Variants in UTS2B observed in about 807,000 individuals in gnomAD.
The protein encoded by UTS2B is urotensin-2B.
Under a neutral mutation model 19.2 loss-of-function variants are expected in UTS2B, and 21 were observed. The ratio of observed to expected loss-of-function variants is 1.09; its 90% CI spans 0.78 to 1.58. UTS2B has a LOEUF of 1.58. Ranked by LOEUF, UTS2B falls within the 40% of genes most tolerant of loss-of-function variation. UTS2B has a pLI of 0.00. For synonymous variants in UTS2B, 57 were observed against 50.2 expected, an observed-to-expected ratio of 1.14 and a Z score of -0.58; for missense variants, 138 against 130.3, an observed-to-expected ratio of 1.06 and a Z score of -0.29.
rs1269165062 is a variant in UTS2B, at chr3:191,288,616, A to G, written c.-124-6303T>C. On this transcript the variant is annotated intron_variant, in intron 4 of 8. Coordinates refer to ENST00000340524, the MANE Select transcript of UTS2B (RefSeq NM_198152.5). ...CCCTTATTCCACGCTATATGCAAAAATCAACTCAAAGTAGATTAAAGACTT... is the reference window on the plus strand; with the variant it reads ...CCCTTATTCCACGCTATATGCAAAAGTCAACTCAAAGTAGATTAAAGACTT... 2.0e-5 allele frequency among the ~76,000 whole-genome samples: 3 copies of G among 152,206 alleles called. 1 individual carries two copies. The highest frequency in any genetic ancestry group is 4.1e-4 in the South Asian group (2 of 4,826).
rs879646329 is a variant in UTS2B at position 191,267,585 on chromosome 3, C to A, written c.*831G>T. 2 of 152,136 alleles carry A rather than the reference C, an allele frequency of 1.3e-5. No homozygotes were observed. Among genetic ancestry groups the A allele is most frequent in the Non-Finnish European group, 2.9e-5 (2 of 68,034 alleles). The allele number at this position is 152,136 out of a possible 1,614,324, so 9.4% of individuals were successfully genotyped here. ...GTGAAAGCTGGGTCCAGGGGGGTCA[C>A]CACCTTCTGGTCCCATGGTGCCAAC... On this transcript the variant is annotated 3_prime_UTR_variant, in exon 9 of 9. Coordinates refer to ENST00000340524, the MANE Select transcript of UTS2B (RefSeq NM_198152.5).
intron 3 of UTS2B, among the ~76,000 whole-genome samples, chr3:191,315,297 G>T (rs557831775): frequency 6.6e-6 from 1 of 152,202 alleles, no homozygotes; most frequent in Non-Finnish European, 1.5e-5. Flanking sequence ...ACAGGCATGA[G>T]CCACCACGCC....
At chr3:191,320,068 T>A (rs74432665) in intron 2 of UTS2B, among the ~76,000 whole-genome samples, 5,517 of 152,032 alleles carry the variant, frequency 0.036, 263 homozygotes, top group East Asian at 0.21. Context: ...TTAAATCACA[T>A]AGACAAAGTT....
chr3:191,295,719 T>C (rs1716840681), intron 4 of UTS2B, among the ~76,000 whole-genome samples: 1 of 151,974 alleles, frequency 6.6e-6, no homozygotes, highest in Non-Finnish European at 1.5e-5. Context: ...TTTTTCAGTA[T>C]TCACTGTCTT....
chr3:191,344,256 A>G, the UTS2B span, among the ~76,000 whole-genome samples: 3 of 152,198 alleles, frequency 2.0e-5, no homozygotes, highest in South Asian at 4.1e-4. Context: ...TAGTTCTGTC[A>G]TACCGTCACG....
the UTS2B span, among the ~76,000 whole-genome samples, chr3:191,344,570 CTTTTG>C: frequency 2.0e-5 from 3 of 151,648 alleles, no homozygotes; most frequent in Non-Finnish European, 4.4e-5. Context: ...ATGTCATTTC[CTTTTG>C]TTTGTTTGTT....
At position 191,311,845 on chromosome 3, in the gene UTS2B, A is replaced by T. The variant is rs1253037511; in HGVS notation, c.-182+4191T>A. Among the ~76,000 whole-genome samples, 7 of 152,288 alleles carry T rather than the reference A, an allele frequency of 4.6e-5. No homozygotes were observed. In the East Asian group the frequency reaches 1.3e-3, roughly 29 times the overall value. On this transcript the variant is annotated intron_variant, in intron 3 of 8. Transcript: ENST00000340524. ...GAAATTCCAGTTATGTGGCATGAAA[A>T]TTTTGACATCTTGGCCAAGTGCAGT...
At chr3:191,285,338 A>C (rs1716507008) in intron 4 of UTS2B, among the ~76,000 whole-genome samples, 1 of 152,218 alleles carries the variant, frequency 6.6e-6, no homozygotes, top group African/African-American at 2.4e-5. Flanking sequence ...CCTATGGTAG[A>C]TACCAAAAGA....
At chr3:191,313,002 A>G (rs1306538901) in intron 3 of UTS2B, among the ~76,000 whole-genome samples, 1 of 150,460 alleles carries the variant, frequency 6.6e-6, no homozygotes, top group African/African-American at 2.5e-5. Context: ...TTTAACATTA[A>G]TAACTGTCAA....
At position 191,282,348 on chromosome 3, in the gene UTS2B, C is replaced by A. The variant is rs1716414980; in HGVS notation, c.-124-35G>T. 1.0e-5 allele frequency: 6 copies of A among 573,092 alleles called. No individual in the cohort carries two copies. The Admixed American group carries it at 1.3e-4, about 12-fold the overall frequency. 35.5% of individuals were successfully genotyped at this position (573,092 alleles called of 1,614,324 possible). The stretch of plus-strand genomic sequence containing the variant: ...GGAAAAAGAAAGAAAGAAAATAAAT[C>A]TATAAAATGCAATGCAATCAAGTAG... On this transcript the variant is annotated intron_variant, in intron 4 of 8. Coordinates refer to ENST00000340524, the MANE Select transcript of UTS2B (RefSeq NM_198152.5).
intron 2 of UTS2B, among the ~76,000 whole-genome samples, chr3:191,323,322 C>G (rs1256488979): frequency 6.6e-6 from 1 of 151,990 alleles, no homozygotes; most frequent in African/African-American, 2.4e-5. Context: ...GGCATGGACA[C>G]CATGCCCAGC....
chr3:191,327,793 G>C (rs183232603), intron 2 of UTS2B, among the ~76,000 whole-genome samples: 1 of 152,218 alleles, frequency 6.6e-6, no homozygotes, highest in Admixed American at 6.5e-5. Context: ...AGAAAATACT[G>C]CTGTTATAAA....
At chr3:191,299,026 C>T (rs1178317550) in intron 4 of UTS2B, among the ~76,000 whole-genome samples, 1 of 152,168 alleles carries the variant, frequency 6.6e-6, no homozygotes, top group Admixed American at 6.5e-5. Context: ...AGCAGTAAAG[C>T]ATCCAAGATG....
chr3:191,309,679 C>T (rs946586231), intron 3 of UTS2B, among the ~76,000 whole-genome samples: 1 of 152,080 alleles, frequency 6.6e-6, no homozygotes, highest in Non-Finnish European at 1.5e-5. Flanking sequence ...ACCAACCCCT[C>T]GATGCTGTTT....
intron 4 of UTS2B, among the ~76,000 whole-genome samples, chr3:191,298,982 T>C (rs1464321803): frequency 6.6e-6 from 1 of 152,188 alleles, no homozygotes; most frequent in African/African-American, 2.4e-5. Flanking sequence ...TTGAAATTGA[T>C]AGTGATGATT....
intron 8 of UTS2B, among the ~76,000 whole-genome samples, chr3:191,270,545 G>A (rs944471825): frequency 6.6e-6 from 1 of 150,830 alleles, no homozygotes; most frequent in African/African-American, 2.4e-5. Context: ...AACAAAAAAG[G>A]TTTTTTTTTT....
chr3:191,275,298 C>T lies in UTS2B; in HGVS notation c.288G>A (p.Thr96=), dbSNP rs199606214. Residue 96 remains threonine, a synonymous_variant, in exon 8 of 9, where the codon ACG becomes ACA. Coordinates refer to ENST00000340524, the MANE Select transcript of UTS2B (RefSeq NM_198152.5). Reference sequence around the variant, plus strand: ...AGAATAGACCATCTACAGCATAGGACGTCTCAGAATCCTTCTCCTCCACTA... The same window carrying T: ...AGAATAGACCATCTACAGCATAGGATGTCTCAGAATCCTTCTCCTCCACTA... The part of the protein sequence containing the change: ...EQLVEEKDSE[T]SYAVDGLFSS... The T allele has an allele frequency of 3.8e-4, 620 of 1,613,750 alleles. 1 individual carries two copies. Among genetic ancestry groups the T allele is most frequent in the Middle Eastern group, 8.3e-4 (5 of 6,060 alleles).
chr3:191,331,740 T>C (rs1717993229), upstream of UTS2B, among the ~76,000 whole-genome samples: 2 of 152,208 alleles, frequency 1.3e-5, no homozygotes, highest in Non-Finnish European at 2.9e-5. Flanking sequence ...TCTAATAAAG[T>C]GTATCCTTCC....
intron 3 of UTS2B, among the ~76,000 whole-genome samples, chr3:191,311,080 A>C (rs966953740): frequency 6.6e-6 from 1 of 152,248 alleles, no homozygotes; most frequent in African/African-American, 2.4e-5. Context: ...AGTAGTCAAT[A>C]GACACAGTGA....
Sources: allele counts gnomAD v4.1 joint callset (sites outside exome capture counted in the v4.1 genomes callset), GRCh38; gene constraint gnomAD v4.1.1; transcripts MANE v1.5; gene names NCBI Gene and HGNC (gene_info 2026-07-23, HGNC 2026-07-21).